The following AKAP9 variants were observed in gnomAD, a reference collection of about 807,000 sequenced individuals.
The protein encoded by AKAP9 is A-kinase anchor protein 9.
In AKAP9, 311 loss-of-function variants were observed where a neutral mutation model predicts 488.5. The observed-to-expected ratio is 0.64, with a 90% CI of 0.58 to 0.70. AKAP9 has a LOEUF of 0.70. AKAP9 is among the 30% of genes least tolerant of loss of function. The probability of loss-of-function intolerance (pLI) is 0.00; values close to 1 mark genes in which losing one functional copy is unlikely to be tolerated. For synonymous variants in AKAP9, 1,462 were observed against 1,483.5 expected (o/e 0.99, Z 0.33); for missense variants, 4,215 against 4,374.5 (o/e 0.96, Z 1.03).
rs1424796162 is a variant in AKAP9 at position 92,096,747 on chromosome 7, T to G, written c.9788T>G (p.Leu3263Trp). 3 of 1,614,116 alleles carry G rather than the reference T, an allele frequency of 1.9e-6. No individual in the cohort carries two copies. The highest frequency in any genetic ancestry group is 2.5e-6 in the Non-Finnish European group (3 of 1,180,042). Reference sequence around the variant, plus strand: ...AGGAATCTTCAGCTAAATCTACTTTTGGAACAACAGAAACAACTACTGAAC... The same window carrying G: ...AGGAATCTTCAGCTAAATCTACTTTGGGAACAACAGAAACAACTACTGAAC... ...KQRNLQLNLL[L>W]EQQKQLLNES... The change falls in exon 41 of 50, where the codon TTG (leucine) becomes TGG (tryptophan). Residue 3263 changes from leucine (L) to tryptophan (W), a missense_variant. Leu to Trp is a moderately conservative substitution (Grantham distance 61, BLOSUM62 -2). Transcript: ENST00000356239.
At chr7:92,014,491 T>C (rs1424978734) in intron 10 of AKAP9, among the ~76,000 whole-genome samples, 163 bp downstream of exon 10, 3 of 151,994 alleles carry the variant, frequency 2.0e-5, no homozygotes, top group African/African-American at 7.2e-5. Context: ...CAGTCCGGCA[T>C]TGTGGTGTGT....
chr7:92,075,177 T>C (rs1163853076), intron 28 of AKAP9, among the ~76,000 whole-genome samples: 1 of 152,112 alleles, frequency 6.6e-6, no homozygotes, highest in East Asian at 1.9e-4. Flanking sequence ...TCTACTGCTC[T>C]CGAGACCACA....
intron 1 of AKAP9, among the ~76,000 whole-genome samples, chr7:91,962,947 A>G (rs1793902169): frequency 6.6e-6 from 1 of 152,170 alleles, no homozygotes; most frequent in South Asian, 2.1e-4. Context: ...TCTCAAACCA[A>G]ATTTTCACCT....
In AKAP9 at chr7:92,107,158, A is replaced by G. The variant is rs184856800; in HGVS notation, c.11417-135A>G. ...TACTGTTTTCTCCTTTATCAAGAAT[A>G]ATAGAAAATGACTATAAATAGGAGA... is the stretch of plus-strand genomic sequence containing the variant. On this transcript the variant is annotated intron_variant, in intron 47 of 49. Transcript: ENST00000356239. The G allele has an allele frequency of 1.5e-4, 133 of 897,294 alleles. No individual in the cohort carries two copies. The East Asian group carries it at 3.5e-3, about 24-fold the overall frequency. 55.6% of individuals were successfully genotyped at this position (897,294 alleles called of 1,614,324 possible). A position where few individuals can be genotyped will look rare whatever the true frequency, so the allele number is the denominator to read the frequency against.
intron 35 of AKAP9, 98 bp from the exon 36 acceptor site, chr7:92,085,397 C>A: frequency 3.3e-6 from 4 of 1,208,362 alleles, no homozygotes; most frequent in Non-Finnish European, 4.8e-6. Flanking sequence ...TTTCTCTCTG[C>A]AAGCTATCTT....
intron 11 of AKAP9, 111 bp downstream of exon 11, chr7:92,016,378 C>G (rs1801512670): frequency 7.7e-6 from 6 of 781,262 alleles, no homozygotes; most frequent in Non-Finnish European, 1.2e-5. Flanking sequence ...TGTTTTTCAT[C>G]TTAACATTTT....
intron 35 of AKAP9, 139 bp from the exon 36 acceptor site, chr7:92,085,356 A>C (rs1336260990): frequency 2.5e-6 from 2 of 810,582 alleles, no homozygotes; most frequent in Non-Finnish European, 4.0e-6. Context: ...CCTCCACAGG[A>C]AGAAGGCATT....
At chr7:91,944,489 C>T (rs1411667705) in intron 1 of AKAP9, among the ~76,000 whole-genome samples, 1 of 151,702 alleles carries the variant, frequency 6.6e-6, no homozygotes, top group East Asian at 1.9e-4. Flanking sequence ...CAGGTTCAAG[C>T]GATTCTCCTG....
intron 8 of AKAP9, among the ~76,000 whole-genome samples, chr7:92,010,289 A>G (rs1800515051): frequency 6.6e-6 from 1 of 152,232 alleles, no homozygotes; most frequent in African/African-American, 2.4e-5. Context: ...GAGTTTATCT[A>G]AAGAGCTTGT....
Position 92,089,426 on chromosome 7 carries a change from A to G in AKAP9, c.9255A>G (p.Ala3085=). 11 of 1,612,254 alleles carry G rather than the reference A, an allele frequency of 6.8e-6. No individual in the cohort carries two copies. The highest frequency in any genetic ancestry group is 9.3e-6 in the Non-Finnish European group (11 of 1,179,740). ...CAGCTATGGAATGCCTCCAGAAAGC[A>G]GATAGAAGGAGTTTGTTATCTGAAA... The part of the protein sequence containing the change: ...YQAAMECLQK[A]DRRSLLSEIQ... The change falls in exon 38 of 50, where the codon GCA becomes GCG. Residue 3085 remains alanine (A), a synonymous_variant. Transcript: ENST00000356239.
intron 26 of AKAP9, 114 bp from the exon 27 acceptor site, chr7:92,069,916 C>T: frequency 1.1e-6 from 1 of 948,192 alleles, no homozygotes; most frequent in Non-Finnish European, 1.6e-6. Flanking sequence ...AAAAACGTTT[C>T]AGATTTTGGA....
intron 22 of AKAP9, among the ~76,000 whole-genome samples, chr7:92,058,690 A>G (rs1004377827): frequency 6.6e-6 from 1 of 152,058 alleles, no homozygotes; most frequent in African/African-American, 2.4e-5. Context: ...TATGTTTATC[A>G]TGCCAATCCT....
rs748940511 is a variant in AKAP9 at position 92,001,014 on chromosome 7, T to C, written c.1097T>C (p.Ile366Thr). Residue 366 changes from isoleucine (I) to threonine (T), a missense_variant, in exon 8 of 50, where the codon ATT becomes ACT. Physicochemically the swap from Ile to Thr is moderately conservative, Grantham distance 89. This residue lies in a region of AKAP9 where 2,361 missense variants were observed against 2,430.0 expected (regional missense o/e 0.97). Transcript: ENST00000356239. ...DKLLGELQEQ[I>T]VQKNQEIKNM... Reference sequence around the variant, plus strand: ...TTACTAGGAGAATTACAAGAACAGATTGTGCAAAAGAACCAAGAAATAAAA... The same window carrying C: ...TTACTAGGAGAATTACAAGAACAGACTGTGCAAAAGAACCAAGAAATAAAA... The C allele has an allele frequency of 6.4e-7, 1 of 1,563,138 alleles. No individual in the cohort carries two copies. Among genetic ancestry groups the C allele is most frequent in the East Asian group, 2.4e-5 (1 of 41,790 alleles).
Position 92,086,294 on chromosome 7 carries a change from C to T in AKAP9, c.9091C>T (p.Gln3031Ter). 6.2e-7 allele frequency: 1 copy of T among 1,614,108 alleles called. No homozygotes were observed. Among genetic ancestry groups the T allele is most frequent in the South Asian group, 1.1e-5 (1 of 91,086 alleles). ...GCGAGGTGAACTACTGCTTGCCCTTCAACAAGTTTTCTTAGAAGAGCGTAG... is the reference window on the plus strand; with the variant it reads ...GCGAGGTGAACTACTGCTTGCCCTTTAACAAGTTTTCTTAGAAGAGCGTAG... ...DWRGELLLAL[Q>*]QVFLEERSVL... Residue 3031 changes from glutamine (Q) to a stop codon, truncating the protein, a stop_gained, in exon 37 of 50, where the codon CAA becomes TAA. Transcript: ENST00000356239. LOFTEE classifies it high-confidence loss of function.
At chr7:92,074,512 G>GTATA in intron 28 of AKAP9, among the ~76,000 whole-genome samples, 1 of 152,278 alleles carries the variant, frequency 6.6e-6, no homozygotes, top group Admixed American at 6.5e-5. Flanking sequence ...CCATTACTGG[G>GTATA]TATATACCCA....
chr7:91,990,330 T>TA (rs1797600592), intron 3 of AKAP9, among the ~76,000 whole-genome samples: 1 of 152,166 alleles, frequency 6.6e-6, no homozygotes, highest in South Asian at 2.1e-4. Context: ...TATCTAAATT[T>TA]AAAAACAGAA....
chr7:91,966,079 T>A (rs1344082501), intron 1 of AKAP9, among the ~76,000 whole-genome samples: 1 of 152,142 alleles, frequency 6.6e-6, no homozygotes, highest in East Asian at 1.9e-4. Flanking sequence ...TAGAGATAGA[T>A]CTATGTCTCA....
At chr7:91,967,690 A>C (rs1024149282) in intron 1 of AKAP9, among the ~76,000 whole-genome samples, 3 of 151,906 alleles carry the variant, frequency 2.0e-5, no homozygotes, top group Non-Finnish European at 4.4e-5. Context: ...TGTGTTGTTG[A>C]ATTCAGTTTG....
chr7:92,005,077 A>G (rs895390050), intron 8 of AKAP9, among the ~76,000 whole-genome samples: 1 of 152,132 alleles, frequency 6.6e-6, no homozygotes, highest in African/African-American at 2.4e-5. Context: ...TGAGATAATC[A>G]TGTGGTTTTT....
Sources: gnomAD v4.1 joint callset for allele counts (sites outside exome capture counted in the v4.1 genomes callset) on GRCh38, gnomAD v4.1.1 for gene constraint, gnomAD v4.1.1 regional missense constraint, MANE v1.5 for transcripts, NCBI Gene and HGNC (gene_info 2026-07-23, HGNC 2026-07-21) for gene names.